CALN1: variants seen among roughly 807,000 people sequenced by gnomAD.
CALN1 encodes calneuron 1, also known as calcium-binding protein 8.
In CALN1, 17 loss-of-function variants were observed where a neutral mutation model predicts 30.6. The ratio of observed to expected loss-of-function variants is 0.56; its 90% confidence interval spans 0.38 to 0.83. The LOEUF (loss-of-function observed/expected upper bound fraction) is 0.83, where lower values mean the gene tolerates loss of function less well. CALN1 is among the 40% of genes least tolerant of loss of function. The pLI is 0.00. For missense variants in CALN1, 291 were observed against 354.9 expected (o/e 0.82, Z 1.45); for synonymous variants, 156 against 131.4 (o/e 1.19, Z -1.28).
chr7:72,315,433 C>A (rs1800372029), intron 2 of CALN1, among the ~76,000 whole-genome samples: 1 of 152,094 alleles, frequency 6.6e-6, no homozygotes, highest in African/African-American at 2.4e-5. Context: ...AACACCAACA[C>A]AAAACCACTT....
intron 5 of CALN1, among the ~76,000 whole-genome samples, chr7:71,940,152 C>A (rs1363129164): frequency 6.6e-6 from 1 of 152,160 alleles, no homozygotes; most frequent in Non-Finnish European, 1.5e-5. Flanking sequence ...AGGCTCTGAT[C>A]TCCACTTTTT....
intron 3 of CALN1, among the ~76,000 whole-genome samples, chr7:72,178,654 A>G (rs917175073): frequency 6.6e-6 from 1 of 151,578 alleles, no homozygotes; most frequent in Non-Finnish European, 1.5e-5. Flanking sequence ...GCACTAATGC[A>G]CTCCAGCCCA....
At chr7:72,491,702 G>A in the CALN1 span, among the ~76,000 whole-genome samples, 1 of 152,190 alleles carries the variant, frequency 6.6e-6, no homozygotes, top group Non-Finnish European at 1.5e-5. Context: ...ACAAGCCTCT[G>A]CCCTGTGCAA....
intron 4 of CALN1, among the ~76,000 whole-genome samples, chr7:72,077,695 C>A (rs1230900668): frequency 1.3e-5 from 2 of 152,178 alleles, no homozygotes; most frequent in Non-Finnish European, 2.9e-5. Flanking sequence ...CAGGATCTCA[C>A]ACAGATAGGT....
intron 4 of CALN1, among the ~76,000 whole-genome samples, chr7:72,100,978 T>TGTTTTTG (rs1317324672): frequency 6.6e-6 from 1 of 151,994 alleles, no homozygotes; most frequent in African/African-American, 2.4e-5. Context: ...TTTGTTTGTT[T>TGTTTTTG]TTTGAGACGG....
chr7:71,940,736 C>T lies in CALN1; in HGVS notation c.501+82921G>A, dbSNP rs1029275991. Among the ~76,000 whole-genome samples the T allele has an allele frequency of 2.0e-5, 3 of 152,150 alleles. No homozygotes were observed. In the East Asian group the frequency reaches 5.8e-4, roughly 29 times the overall value. On this transcript the variant is annotated intron_variant, in intron 5 of 6. Transcript: ENST00000395275. The stretch of plus-strand genomic sequence containing the variant: ...CTGCGATCCTCCCACCTCAGCCTCC[C>T]GAGTAGCTGAAACCACAGACACAGA...
At chr7:72,209,274 TTCCCTCTTTCCTTCCC>T in intron 3 of CALN1, among the ~76,000 whole-genome samples, 1 of 126,734 alleles carries the variant, frequency 7.9e-6, no homozygotes, top group African/African-American at 3.1e-5. Context: ...CCTTCCCTCC[TTCCCTCTTTCCTTCCC>T]TCCTTCCCTC....
intron 3 of CALN1, among the ~76,000 whole-genome samples, chr7:72,168,745 A>C (rs1788712181): frequency 6.6e-6 from 1 of 151,540 alleles, no homozygotes; most frequent in Admixed American, 6.6e-5. Flanking sequence ...CATGGCAGTA[A>C]GTTTTGTGTC....
chr7:71,857,648 T>C (rs1791035548), intron 5 of CALN1, among the ~76,000 whole-genome samples: 1 of 152,210 alleles, frequency 6.6e-6, no homozygotes, highest in African/African-American at 2.4e-5. Context: ...AGGCGAGCGC[T>C]GAGGCTGCAG....
intron 3 of CALN1, among the ~76,000 whole-genome samples, chr7:72,228,010 G>A (rs1160488220): frequency 6.6e-6 from 1 of 151,944 alleles, no homozygotes; most frequent in Non-Finnish European, 1.5e-5. Flanking sequence ...TCCAATGTCG[G>A]ATTTCAGGTT....
chr7:72,054,414 T>TATAC (rs1803052947), intron 4 of CALN1, among the ~76,000 whole-genome samples: 1 of 120,550 alleles, frequency 8.3e-6, no homozygotes, highest in Non-Finnish European at 1.7e-5. Flanking sequence ...TATATATATA[T>TATAC]ATACGTGTAT....
At chr7:71,965,183 C>G (rs1164861405) in intron 5 of CALN1, among the ~76,000 whole-genome samples, 1 of 151,930 alleles carries the variant, frequency 6.6e-6, no homozygotes, top group Non-Finnish European at 1.5e-5. Context: ...ACATGTCACC[C>G]CACCCAGCTA....
At chr7:72,109,498 A>T (rs533839793) in intron 3 of CALN1, among the ~76,000 whole-genome samples, 1 of 152,164 alleles carries the variant, frequency 6.6e-6, no homozygotes, top group African/African-American at 2.4e-5. Flanking sequence ...CTTTCCATCA[A>T]TGGTATAGAA....
intron 3 of CALN1, among the ~76,000 whole-genome samples, chr7:72,273,040 A>C (rs920835485): frequency 4.3e-5 from 4 of 93,472 alleles, no homozygotes; most frequent in Non-Finnish European, 7.3e-5. Flanking sequence ...CAGCAGGAAC[A>C]ACCACCGAGA....
At chr7:72,036,257 T>TA in intron 4 of CALN1, among the ~76,000 whole-genome samples, 1 of 152,354 alleles carries the variant, frequency 6.6e-6, no homozygotes, top group South Asian at 2.1e-4. Flanking sequence ...ACCTCTCTCT[T>TA]ACGGCTACAA....
At chr7:72,079,265 G>A (rs1433095007) in intron 4 of CALN1, among the ~76,000 whole-genome samples, 1 of 152,134 alleles carries the variant, frequency 6.6e-6, no homozygotes, top group Admixed American at 6.5e-5. Context: ...TTCTCATCTG[G>A]AAATGAGAAC....
chr7:72,470,376 C>T, the CALN1 span, among the ~76,000 whole-genome samples: 3 of 152,084 alleles, frequency 2.0e-5, no homozygotes, highest in Non-Finnish European at 4.4e-5. Context: ...AGACCCCCGA[C>T]TCTAAAAAAT....
At chr7:71,824,454 G>A (rs1266563274) in intron 5 of CALN1, among the ~76,000 whole-genome samples, 1 of 152,100 alleles carries the variant, frequency 6.6e-6, no homozygotes. Flanking sequence ...TGAGTCCCCA[G>A]TGAAGTCTGA....
At chr7:72,129,914 T>C (rs758497469) in intron 3 of CALN1, among the ~76,000 whole-genome samples, 8 of 152,190 alleles carry the variant, frequency 5.3e-5, no homozygotes, top group Non-Finnish European at 1.0e-4. Flanking sequence ...TGTGTCAATA[T>C]TGGAAGGTGG....
Sources: gnomAD v4.1 joint callset for allele counts (sites outside exome capture counted in the v4.1 genomes callset) on GRCh38, gnomAD v4.1.1 for gene constraint, MANE v1.5 for transcripts, NCBI Gene and HGNC (gene_info 2026-07-23, HGNC 2026-07-21) for gene names.